The following LRCH2 variants were observed in gnomAD, a reference collection of about 807,000 sequenced individuals.
LRCH2 encodes the protein leucine-rich repeat and calponin homology domain-containing protein 2.
In LRCH2, 38 loss-of-function variants were observed where a neutral mutation model predicts 68.9. The ratio of observed to expected loss-of-function variants is 0.55; its 90% CI spans 0.43 to 0.72. The LOEUF is 0.72. Among genes scored for constraint, LRCH2 ranks in the 30% least tolerant of loss-of-function variants. The pLI is 0.00. For missense variants in LRCH2, 528 were observed against 572.9 expected, an observed-to-expected ratio of 0.92 and a Z score of 0.80; for synonymous variants, 191 against 208.1, an observed-to-expected ratio of 0.92 and a Z score of 0.71.
intron 1 of LRCH2, among the ~76,000 whole-genome samples, chrX:115,189,093 T>C (rs2072757136): frequency 9.0e-6 from 1 of 111,638 alleles, no homozygotes; most frequent in Non-Finnish European, 1.9e-5. Flanking sequence ...CCCACTGCAA[T>C]TTGGTTTCTA....
chrX:115,165,428 A>G lies in LRCH2; in HGVS notation c.1332T>C (p.Asn444=). The change falls in exon 10 of 21, where the codon AAT becomes AAC. Residue 444 remains asparagine, a synonymous_variant. Coordinates refer to ENST00000317135, the MANE Select transcript of LRCH2 (RefSeq NM_020871.4). The stretch of plus-strand genomic sequence containing the variant: ...ACCTTTTTTCATCTCCTAATTCTTC[A>G]TTTTTCCGAGATTTTTCAGAACATT... ...KEKCSEKSRK[N]EELGDEKRLE... is the part of the protein sequence containing the mutation. 7 of 1,134,170 alleles carry G rather than the reference A, an allele frequency of 6.2e-6. No individual in the cohort carries two copies. Among genetic ancestry groups the G allele is most frequent in the African/African-American group, 1.8e-5 (1 of 55,105 alleles). 93.5% of individuals were successfully genotyped at this position (1,134,170 alleles called of 1,213,427 possible).
intron 14 of LRCH2, among the ~76,000 whole-genome samples, chrX:115,149,343 T>C (rs1185592875): frequency 5.4e-5 from 6 of 111,726 alleles, no homozygotes; most frequent in East Asian, 2.8e-4. Flanking sequence ...TCTGAGCTTT[T>C]CTTTTAGCTA....
chrX:115,160,358 T>A (rs1171546442), intron 11 of LRCH2, among the ~76,000 whole-genome samples: 16 of 111,152 alleles, frequency 1.4e-4, no homozygotes, highest in African/African-American at 4.9e-4. Context: ...TAAAAATATA[T>A]ATGAACTAAG....
At chrX:115,115,504 A>G (rs2147338346) in intron 20 of LRCH2, among the ~76,000 whole-genome samples, 1 of 110,858 alleles carries the variant, frequency 9.0e-6, no homozygotes, top group South Asian at 3.8e-4. Flanking sequence ...TCCACATGTG[A>G]AAGAATGAAT....
rs1028104163 is a variant in LRCH2, at chrX:115,110,915, G to T, written c.*2301C>A. Reference sequence around the variant, plus strand: ...AAATAGATATCTATTAAATTTTGGGGGCCTAATAAAATATTTTTGATTATT... The same window carrying T: ...AAATAGATATCTATTAAATTTTGGGTGCCTAATAAAATATTTTTGATTATT... On this transcript the variant is annotated 3_prime_UTR_variant, in exon 21 of 21. Coordinates refer to ENST00000317135, the MANE Select transcript of LRCH2 (RefSeq NM_020871.4). The T allele has an allele frequency of 4.5e-5, 5 of 110,758 alleles. No individual in the cohort carries two copies. The highest frequency in any genetic ancestry group is 1.3e-4 in the African/African-American group (4 of 30,460). The allele number at this position is 110,758 out of a possible 1,213,427, so 9.1% of individuals were successfully genotyped here.
chrX:115,208,635 A>AT (rs1376577699), intron 1 of LRCH2, among the ~76,000 whole-genome samples: 1 of 111,861 alleles, frequency 8.9e-6, no homozygotes, highest in Non-Finnish European at 1.9e-5. Flanking sequence ...GCCCATTGAA[A>AT]TTCCTGGCCC....
At chrX:115,190,047 A>G in intron 1 of LRCH2, 1 of 1,156,028 alleles carries the variant, frequency 8.7e-7, no homozygotes. Context: ...GGGCCGGCCC[A>G]CCCCACAAGA....
chrX:115,141,907 G>GA (rs1478281392), intron 14 of LRCH2, among the ~76,000 whole-genome samples: 9 of 101,568 alleles, frequency 8.9e-5, no homozygotes, highest in African/African-American at 1.4e-4. Flanking sequence ...AAAGAAAAAA[G>GA]AAAAAAAAAG....
intron 20 of LRCH2, among the ~76,000 whole-genome samples, chrX:115,121,179 A>T (rs1257706087): frequency 9.1e-6 from 1 of 109,593 alleles, no homozygotes; most frequent in African/African-American, 3.3e-5. Flanking sequence ...AATAATAAAT[A>T]AATAAATAAA....
At chrX:115,180,571 T>C (rs2072684273) in intron 3 of LRCH2, among the ~76,000 whole-genome samples, 1 of 111,544 alleles carries the variant, frequency 9.0e-6, no homozygotes, top group Admixed American at 9.6e-5. Context: ...CAGTAATCAT[T>C]CCAGACACAC....
intron 15 of LRCH2, among the ~76,000 whole-genome samples, chrX:115,127,652 T>G (rs904077243): frequency 5.4e-5 from 6 of 110,508 alleles, no homozygotes; most frequent in African/African-American, 2.0e-4. Flanking sequence ...TTGGGGGGGA[T>G]GATGAAGATG....
chrX:115,170,543 G>C (rs946965122), intron 5 of LRCH2, 111 bp from the exon 6 acceptor site: 26 of 708,437 alleles, frequency 3.7e-5, no homozygotes, highest in Non-Finnish European at 4.7e-5. Context: ...AATCTTGATT[G>C]ATACTTTGCA....
At chrX:115,133,172 T>A (rs2147355177) in intron 14 of LRCH2, among the ~76,000 whole-genome samples, 1 of 112,500 alleles carries the variant, frequency 8.9e-6, no homozygotes, top group African/African-American at 3.2e-5. Context: ...TTCTTTTGGC[T>A]GATTGACTTT....
intron 1 of LRCH2, among the ~76,000 whole-genome samples, chrX:115,204,439 T>C (rs969511576): frequency 2.7e-5 from 3 of 113,160 alleles, no homozygotes; most frequent in African/African-American, 9.6e-5. Context: ...TTCCACCATA[T>C]AGGCTGCAGA....
At chrX:115,178,555 G>C (rs1556551583) in intron 5 of LRCH2, among the ~76,000 whole-genome samples, 4 of 111,459 alleles carry the variant, frequency 3.6e-5, no homozygotes, top group African/African-American at 1.3e-4. Context: ...CAATACTCAA[G>C]CCATTCCCAG....
chrX:115,118,202 C>T (rs1203151066), intron 20 of LRCH2, among the ~76,000 whole-genome samples: 1 of 109,327 alleles, frequency 9.1e-6, no homozygotes, highest in Admixed American at 9.9e-5. Flanking sequence ...TTTTTTTTAA[C>T]CCTTCAAAAA....
chrX:115,221,224 T>C (rs1373651481), intron 1 of LRCH2, among the ~76,000 whole-genome samples: 1 of 89,649 alleles, frequency 1.1e-5, no homozygotes, highest in African/African-American at 4.4e-5. Flanking sequence ...TATATATATA[T>C]ATATATATAT....
intron 14 of LRCH2, among the ~76,000 whole-genome samples, chrX:115,141,894 GAAAAAGA>G (rs1298403944): frequency 1.0e-5 from 1 of 98,847 alleles, no homozygotes; most frequent in Non-Finnish European, 2.1e-5. Flanking sequence ...AAGAAAGAAA[GAAAAAGA>G]AAAAAGAAAA....
intron 12 of LRCH2, among the ~76,000 whole-genome samples, chrX:115,151,069 T>C (rs2072428012): frequency 9.0e-6 from 1 of 111,449 alleles, no homozygotes; most frequent in Non-Finnish European, 1.9e-5. Flanking sequence ...AATTAATAAC[T>C]GAAATGAACT....
Sources: gnomAD v4.1 joint callset for allele counts (sites outside exome capture counted in the v4.1 genomes callset) on GRCh38, gnomAD v4.1.1 for gene constraint, MANE v1.5 for transcripts, NCBI Gene and HGNC (gene_info 2026-07-23, HGNC 2026-07-21) for gene names.